The following RANBP17 variants were observed in gnomAD, a reference collection of about 807,000 sequenced individuals.
RANBP17 encodes the protein RAN binding protein 17, also known as ran-binding protein 17.
RANBP17 carries 158 observed loss-of-function variants against 141.2 expected under a neutral mutation model. That is an observed-to-expected ratio of 1.12 (90% CI 0.98 to 1.28). The LOEUF (loss-of-function observed/expected upper bound fraction) is 1.28, where lower values mean the gene tolerates loss of function less well. RANBP17 is among the 50% of genes most tolerant of loss of function. The pLI, the probability that RANBP17 is intolerant of heterozygous loss-of-function variation, is 0.00. For missense variants in RANBP17, 1,438 were observed against 1,290.7 expected (o/e 1.11, Z -1.75); for synonymous variants, 430 against 450.0 (o/e 0.96, Z 0.56).
intron 22 of RANBP17, among the ~76,000 whole-genome samples, chr5:171,225,621 G>A (rs1763836009): frequency 6.6e-6 from 1 of 152,164 alleles, no homozygotes; most frequent in African/African-American, 2.4e-5. Flanking sequence ...GGAAGCCAGT[G>A]GAGGAAAGAG....
intron 25 of RANBP17, among the ~76,000 whole-genome samples, chr5:171,284,038 GACTGTTTAGTA>G (rs1768012176): frequency 1.3e-5 from 2 of 152,318 alleles, no homozygotes; most frequent in East Asian, 3.9e-4. Flanking sequence ...AATGTTTGGT[GACTGTTTAGTA>G]ACGTGGAGTG....
intron 7 of RANBP17, 95 bp from the exon 8 acceptor site, chr5:170,914,067 TGCAGA>T (rs1771749524): frequency 1.3e-6 from 1 of 765,004 alleles, no homozygotes; most frequent in African/African-American, 1.7e-5. Flanking sequence ...AATGGCCACA[TGCAGA>T]GGCCTTGGAT....
intron 24 of RANBP17, among the ~76,000 whole-genome samples, chr5:171,251,223 G>A (rs1581120363): frequency 6.6e-6 from 1 of 152,026 alleles, no homozygotes; most frequent in Non-Finnish European, 1.5e-5. Flanking sequence ...CAAGTAGCTG[G>A]GACTACAGGC....
chr5:170,904,997 G>A (rs1770962232), intron 5 of RANBP17, among the ~76,000 whole-genome samples: 1 of 151,914 alleles, frequency 6.6e-6, no homozygotes, highest in Non-Finnish European at 1.5e-5. Context: ...ATTCTAATTT[G>A]TACACTTAAC....
intron 25 of RANBP17, among the ~76,000 whole-genome samples, chr5:171,278,256 C>T (rs1319518621): frequency 1.3e-5 from 2 of 151,998 alleles, no homozygotes; most frequent in Admixed American, 6.6e-5. Context: ...TGGTGGCTCA[C>T]GCCTGTAATC....
At chr5:170,957,895 G>A (rs1044639605) in intron 13 of RANBP17, among the ~76,000 whole-genome samples, 2 of 152,140 alleles carry the variant, frequency 1.3e-5, no homozygotes, top group Admixed American at 6.5e-5. Flanking sequence ...GCAATCCATT[G>A]ACCAAAATGT....
chr5:171,201,940 T>A (rs572503233), intron 19 of RANBP17, among the ~76,000 whole-genome samples: 1 of 152,326 alleles, frequency 6.6e-6, no homozygotes, highest in South Asian at 2.1e-4. Flanking sequence ...AGTATTCCAA[T>A]CCACAGGAGG....
At chr5:171,046,935 T>C (rs1050563042) in intron 14 of RANBP17, among the ~76,000 whole-genome samples, 2 of 152,178 alleles carry the variant, frequency 1.3e-5, no homozygotes, top group African/African-American at 4.8e-5. Context: ...AATCTTAATT[T>C]TTATAAATCT....
intron 14 of RANBP17, among the ~76,000 whole-genome samples, chr5:171,066,458 A>G (rs1287762865): frequency 6.6e-6 from 1 of 152,132 alleles, no homozygotes; most frequent in Non-Finnish European, 1.5e-5. Context: ...ACTTAACATA[A>G]TGTCTTCCAA....
intron 14 of RANBP17, among the ~76,000 whole-genome samples, chr5:171,083,804 T>C (rs1004621502): frequency 2.0e-5 from 3 of 152,034 alleles, no homozygotes; most frequent in East Asian, 1.9e-4. Context: ...GATGATATTA[T>C]AAGGGGGAGT....
In RANBP17 at chr5:171,053,758, T is replaced by G. The variant is rs142856812; in HGVS notation, c.1710+85381T>G. Among the ~76,000 whole-genome samples, 554 of 151,252 alleles carry G rather than the reference T, an allele frequency of 3.7e-3. 3 individuals are homozygous for G. The highest frequency in any genetic ancestry group is 6.0e-3 in the Non-Finnish European group (406 of 67,814). On this transcript the variant is annotated intron_variant, in intron 14 of 27. Coordinates refer to ENST00000523189, the MANE Select transcript of RANBP17 (RefSeq NM_022897.5). ...CTAGCCAGGACTTCCAGTACAATGT[T>G]GAATAGCAGTGGTGAAAGTGGTCAT...
chr5:170,929,620 A>G (rs1773185556), intron 12 of RANBP17, among the ~76,000 whole-genome samples: 1 of 152,124 alleles, frequency 6.6e-6, no homozygotes, highest in East Asian at 1.9e-4. Context: ...TCAATTTGCA[A>G]CACTTTTGTT....
At chr5:171,077,330 A>G (rs2127702613) in intron 14 of RANBP17, among the ~76,000 whole-genome samples, 1 of 151,748 alleles carries the variant, frequency 6.6e-6, no homozygotes, top group Middle Eastern at 3.4e-3. Flanking sequence ...ACAGAGCGAG[A>G]CTCCATCTCA....
chr5:171,052,361 T>C (rs368753821), intron 14 of RANBP17, among the ~76,000 whole-genome samples: 118 of 152,306 alleles, frequency 7.7e-4, no homozygotes, highest in African/African-American at 2.7e-3. Context: ...TATGTTTTTT[T>C]CTAATATTTT....
At chr5:171,051,215 G>C (rs1047172758) in intron 14 of RANBP17, among the ~76,000 whole-genome samples, 2 of 152,072 alleles carry the variant, frequency 1.3e-5, no homozygotes, top group Admixed American at 1.3e-4. Context: ...TGCTGAACTT[G>C]AGAATTTATT....
chr5:171,064,790 G>A (rs1784198301), intron 14 of RANBP17, among the ~76,000 whole-genome samples: 1 of 151,612 alleles, frequency 6.6e-6, no homozygotes. Context: ...CAAAGTACTG[G>A]GATTACAGAC....
chr5:171,056,744 A>G (rs1053479165), intron 14 of RANBP17, among the ~76,000 whole-genome samples: 6 of 152,176 alleles, frequency 3.9e-5, no homozygotes, highest in Admixed American at 3.3e-4. Flanking sequence ...GTCATATATT[A>G]AAGGTTTAAA....
chr5:171,043,947 A>G (rs2441016), intron 14 of RANBP17, among the ~76,000 whole-genome samples: 102,227 of 151,984 alleles, frequency 0.67, 34,642 homozygotes, highest in South Asian at 0.89. Flanking sequence ...TTGCACTATA[A>G]GATCTAAACT....
At chr5:170,947,448 A>G (rs1304822927) in intron 12 of RANBP17, among the ~76,000 whole-genome samples, 1 of 152,198 alleles carries the variant, frequency 6.6e-6, no homozygotes, top group Non-Finnish European at 1.5e-5. Context: ...ATGTTAGAAA[A>G]TGTTAAGTGC....
Sources: allele counts gnomAD v4.1 joint callset (sites outside exome capture counted in the v4.1 genomes callset), GRCh38; gene constraint gnomAD v4.1.1; transcripts MANE v1.5; gene names NCBI Gene and HGNC (gene_info 2026-07-23, HGNC 2026-07-21).